Variants in SDK1 observed in about 807,000 individuals in gnomAD.
SDK1 encodes sidekick cell adhesion molecule 1, also known as protein sidekick-1.
In SDK1, 157 loss-of-function variants were observed where a neutral mutation model predicts 245.5. The ratio of observed to expected loss-of-function variants is 0.64; its 90% CI spans 0.56 to 0.73. SDK1 has a LOEUF of 0.73. SDK1 is among the 30% of genes least tolerant of loss of function. The pLI is 0.00. For missense variants in SDK1, 3,583 were observed against 3,002.3 expected, an observed-to-expected ratio of 1.19 and a Z score of -4.52; for synonymous variants, 1,647 against 1,278.5, an observed-to-expected ratio of 1.29 and a Z score of -6.15.
chr7:3,659,095 G>T (rs1442375143), intron 4 of SDK1, among the ~76,000 whole-genome samples: 2 of 152,126 alleles, frequency 1.3e-5, no homozygotes, highest in South Asian at 2.1e-4. Context: ...ACCTTAAATA[G>T]CCTTTACCCA....
chr7:3,726,403 C>T (rs1169424650), intron 4 of SDK1, among the ~76,000 whole-genome samples: 1 of 152,240 alleles, frequency 6.6e-6, no homozygotes, highest in Admixed American at 6.5e-5. Context: ...GTAAGTATTT[C>T]TTTCTTACAG....
At chr7:3,826,334 C>A (rs934428091) in intron 5 of SDK1, among the ~76,000 whole-genome samples, 1 of 152,142 alleles carries the variant, frequency 6.6e-6, no homozygotes, top group Admixed American at 6.5e-5. Flanking sequence ...CGTCTCATGG[C>A]GCAATATGCA....
intron 1 of SDK1, among the ~76,000 whole-genome samples, chr7:3,346,726 CATAT>C (rs10636475): frequency 8.7e-6 from 1 of 114,572 alleles, no homozygotes; most frequent in Admixed American, 1.0e-4. Context: ...TATATGTATA[CATAT>C]ATATATACAC....
intron 7 of SDK1, chr7:3,958,046 C>T (rs915633953): frequency 8.5e-6 from 4 of 470,152 alleles, no homozygotes; most frequent in African/African-American, 8.0e-5. Context: ...TTAGGTCCCA[C>T]CTTGTTTTAA....
chr7:3,433,013 C>T (rs1779912056), intron 1 of SDK1, among the ~76,000 whole-genome samples: 1 of 152,148 alleles, frequency 6.6e-6, no homozygotes, highest in Non-Finnish European at 1.5e-5. Context: ...AGGTTTCTAT[C>T]CAAGTTACGC....
intron 5 of SDK1, among the ~76,000 whole-genome samples, chr7:3,886,804 T>A (rs1390353654): frequency 6.6e-6 from 1 of 152,148 alleles, no homozygotes; most frequent in Non-Finnish European, 1.5e-5. Flanking sequence ...TAGTCTCAAC[T>A]ACTTGGGAGG....
chr7:3,420,967 C>G (rs768453974), intron 1 of SDK1, among the ~76,000 whole-genome samples: 1 of 152,012 alleles, frequency 6.6e-6, no homozygotes, highest in Non-Finnish European at 1.5e-5. Flanking sequence ...CATGTAAGAA[C>G]AGTTCTTTTT....
chr7:3,878,820 A>C (rs763470987), intron 5 of SDK1, among the ~76,000 whole-genome samples: 5 of 152,130 alleles, frequency 3.3e-5, no homozygotes, highest in Non-Finnish European at 7.4e-5. Flanking sequence ...ATATCAGGGC[A>C]GCCCTGTGAC....
chr7:3,937,906 C>A (rs142687737), intron 5 of SDK1, among the ~76,000 whole-genome samples: 1 of 152,046 alleles, frequency 6.6e-6, no homozygotes, highest in Non-Finnish European at 1.5e-5. Context: ...GACGTAATCT[C>A]GGCTCACTGC....
At chr7:3,807,729 G>C (rs1779286686) in intron 4 of SDK1, among the ~76,000 whole-genome samples, 2 of 152,178 alleles carry the variant, frequency 1.3e-5, no homozygotes, top group South Asian at 4.1e-4. Context: ...TAAAGGACTT[G>C]ATGAGAGAAT....
intron 4 of SDK1, among the ~76,000 whole-genome samples, chr7:3,808,416 G>A (rs746055135): frequency 2.6e-5 from 4 of 152,190 alleles, no homozygotes; most frequent in Non-Finnish European, 4.4e-5. Context: ...AATGCTGAAA[G>A]GATGCCAGTG....
chr7:3,492,731 T>A (rs1026685537), intron 1 of SDK1, among the ~76,000 whole-genome samples: 1 of 152,144 alleles, frequency 6.6e-6, no homozygotes, highest in Non-Finnish European at 1.5e-5. Context: ...ACCTGTTAAG[T>A]TTGTAATTAT....
intron 4 of SDK1, among the ~76,000 whole-genome samples, chr7:3,674,916 AGAG>A (rs1783843902): frequency 6.6e-6 from 1 of 152,212 alleles, no homozygotes; most frequent in African/African-American, 2.4e-5. Context: ...GGTAGGGAGT[AGAG>A]GGCATTTGGT....
intron 4 of SDK1, among the ~76,000 whole-genome samples, chr7:3,750,474 A>T (rs1233729553): frequency 6.6e-6 from 1 of 152,210 alleles, no homozygotes; most frequent in Non-Finnish European, 1.5e-5. Flanking sequence ...ATTTAGGACC[A>T]TTGCAATAGG....
intron 5 of SDK1, among the ~76,000 whole-genome samples, chr7:3,839,304 G>C (rs1037697351): frequency 7.2e-5 from 11 of 152,202 alleles, no homozygotes; most frequent in Non-Finnish European, 1.2e-4. Context: ...GGTCGGTATT[G>C]AGAAAGTGGA....
chr7:3,831,102 AT>A (rs1238927821), intron 5 of SDK1, among the ~76,000 whole-genome samples: 1 of 152,148 alleles, frequency 6.6e-6, no homozygotes, highest in Non-Finnish European at 1.5e-5. Context: ...GGAAAATTGA[AT>A]TTTTCCTGCA....
intron 5 of SDK1, among the ~76,000 whole-genome samples, chr7:3,857,413 C>T (rs1028192781): frequency 1.3e-5 from 2 of 152,178 alleles, no homozygotes; most frequent in African/African-American, 2.4e-5. Context: ...CTGGGTGTGA[C>T]GGCTCACACC....
At chr7:4,134,009 C>A (rs988902473) in intron 28 of SDK1, among the ~76,000 whole-genome samples, 3 of 152,166 alleles carry the variant, frequency 2.0e-5, no homozygotes, top group African/African-American at 7.2e-5. Flanking sequence ...TGAACGGCAG[C>A]AGGAATTCAT....
intron 1 of SDK1, among the ~76,000 whole-genome samples, chr7:3,452,241 C>G (rs1000030555): frequency 6.6e-5 from 10 of 152,230 alleles, no homozygotes; most frequent in African/African-American, 2.2e-4. Flanking sequence ...GTTATTTTCT[C>G]AAGGACTCTA....
Sources: allele counts gnomAD v4.1 joint callset (sites outside exome capture counted in the v4.1 genomes callset), GRCh38; gene constraint gnomAD v4.1.1; transcripts MANE v1.5; gene names NCBI Gene and HGNC (gene_info 2026-07-23, HGNC 2026-07-21).